Variants in FAM53A observed in about 807,000 individuals in gnomAD.
FAM53A encodes protein FAM53A.
FAM53A carries 28 observed loss-of-function variants against 26.6 expected under a neutral mutation model. The observed-to-expected ratio is 1.05, with a 90% CI of 0.78 to 1.45. The LOEUF (loss-of-function observed/expected upper bound fraction) is 1.45, where lower values mean the gene tolerates loss of function less well. Ranked by LOEUF, FAM53A falls within the 40% of genes most tolerant of loss-of-function variation. The pLI, the probability that FAM53A is intolerant of heterozygous loss-of-function variation, is 0.00. For synonymous variants in FAM53A, 290 were observed against 253.1 expected, an observed-to-expected ratio of 1.15 and a Z score of -1.38; for missense variants, 650 against 575.8, an observed-to-expected ratio of 1.13 and a Z score of -1.32.
the FAM53A span, among the ~76,000 whole-genome samples, chr4:1,608,598 G>C: frequency 6.6e-6 from 1 of 152,118 alleles, no homozygotes; most frequent in African/African-American, 2.4e-5. Flanking sequence ...AGGCAGCAAA[G>C]TCAGGTCAGC....
At chr4:1,580,874 G>A in the FAM53A span, among the ~76,000 whole-genome samples, 1 of 14,342 alleles carries the variant, frequency 7.0e-5, no homozygotes, top group Non-Finnish European at 1.2e-4. Flanking sequence ...TCAGGGCCCC[G>A]CCTCCCACCC....
At position 1,641,510 on chromosome 4, in the gene FAM53A, G is replaced by A. The variant is rs868605136; in HGVS notation, c.980C>T (p.Ser327Phe). Residue 327 changes from serine to phenylalanine, a missense_variant, in exon 5 of 5, where the codon TCC becomes TTC. By Grantham distance (155) the Ser-to-Phe change is radical. Transcript: ENST00000308132. Reference sequence around the variant, plus strand: ...CATGGTGATGCCAGGGAGGCCCCGGGAGTCACATGGGGAGGACAGAACCGT... The same window carrying A: ...CATGGTGATGCCAGGGAGGCCCCGGAAGTCACATGGGGAGGACAGAACCGT... ...VKTVLSSPCD[S>F]RGLPGITMPG... is the part of the protein sequence containing the mutation. 3 of 1,614,120 alleles carry A rather than the reference G, an allele frequency of 1.9e-6. No individual in the cohort carries two copies. The highest frequency in any genetic ancestry group is 2.7e-5 in the African/African-American group (2 of 74,956).
chr4:1,651,456 C>T (rs1028574368), intron 4 of FAM53A, among the ~76,000 whole-genome samples: 3 of 151,762 alleles, frequency 2.0e-5, no homozygotes, highest in Non-Finnish European at 2.9e-5. Context: ...TGCTTGAGTC[C>T]GGGAAGTGGA....
chr4:1,594,092 C>T, the FAM53A span, among the ~76,000 whole-genome samples: 5 of 152,178 alleles, frequency 3.3e-5, no homozygotes, highest in Non-Finnish European at 4.4e-5. Flanking sequence ...GGCCCCAGGT[C>T]CCCCCAGGCT....
chr4:1,584,078 A>C, the FAM53A span, among the ~76,000 whole-genome samples: 6 of 152,098 alleles, frequency 3.9e-5, no homozygotes, highest in Non-Finnish European at 8.8e-5. Context: ...GTATTCTATC[A>C]ATCCCTTGTG....
chr4:1,614,447 T>A, downstream of FAM53A, among the ~76,000 whole-genome samples: 2 of 88,028 alleles, frequency 2.3e-5, no homozygotes, highest in Admixed American at 1.6e-4. Flanking sequence ...TGCAGAGACA[T>A]GAGGGGCATG....
chr4:1,661,512 G>T (rs1011075693), intron 2 of FAM53A, among the ~76,000 whole-genome samples: 1 of 152,096 alleles, frequency 6.6e-6, no homozygotes, highest in Non-Finnish European at 1.5e-5. Flanking sequence ...GTGACCTTCA[G>T]GCCCTACCGC....
the FAM53A span, among the ~76,000 whole-genome samples, chr4:1,579,644 C>A: frequency 8.1e-4 from 123 of 152,344 alleles, no homozygotes; most frequent in Non-Finnish European, 1.4e-3. Flanking sequence ...CTCCCAGCGC[C>A]GCTGCGAGGC....
At chr4:1,592,185 C>T in the FAM53A span, among the ~76,000 whole-genome samples, 5 of 152,140 alleles carry the variant, frequency 3.3e-5, no homozygotes, top group African/African-American at 1.2e-4. Flanking sequence ...CTGAACCCAC[C>T]TGATACCATC....
chr4:1,607,168 G>A, the FAM53A span, among the ~76,000 whole-genome samples: 2 of 152,114 alleles, frequency 1.3e-5, no homozygotes, highest in Non-Finnish European at 2.9e-5. Context: ...ACAGGCATGC[G>A]CCACCACACC....
chr4:1,672,077 A>AGAACCCAC (rs1714703940), intron 1 of FAM53A, among the ~76,000 whole-genome samples: 1 of 151,252 alleles, frequency 6.6e-6, no homozygotes, highest in African/African-American at 2.4e-5. Flanking sequence ...CCACAGACCC[A>AGAACCCAC]GAACCCACGA....
In FAM53A at chr4:1,668,843, G is replaced by A; in HGVS notation, c.-102C>T. 5.6e-6 allele frequency: 6 copies of A among 1,073,826 alleles called. No individual in the cohort carries two copies. Among genetic ancestry groups the A allele is most frequent in the South Asian group, 1.4e-5 (1 of 72,692 alleles). The allele number at this position is 1,073,826 out of a possible 1,614,324, so 66.5% of individuals were successfully genotyped here. A position where few individuals can be genotyped will look rare whatever the true frequency, so the allele number is the denominator to read the frequency against. ...ATTGCTGGGTCAGCCAAATCTCAAG[G>A]TCATGTCTCCACTTTCTTTACAGAT... On this transcript the variant is annotated 5_prime_UTR_variant, in exon 2 of 5. Coordinates refer to ENST00000308132, the MANE Select transcript of FAM53A (RefSeq NM_001174070.3).
chr4:1,625,581 G>A (rs55822191), intron 1 of FAM53A, among the ~76,000 whole-genome samples: 12 of 70,674 alleles, frequency 1.7e-4, no homozygotes, highest in Admixed American at 4.0e-4. Context: ...TCAGGGTCAC[G>A]CCAGGTGATC....
At chr4:1,580,606 T>TAGGCCCTGCCTCCTGCCC in the FAM53A span, among the ~76,000 whole-genome samples, 224 of 63,706 alleles carry the variant, frequency 3.5e-3, no homozygotes, top group African/African-American at 0.013. Context: ...ACCTCCCGCC[T>TAGGCCCTGCCTCCTGCCC]AGGCCCTGCC....
intron 4 of FAM53A, among the ~76,000 whole-genome samples, chr4:1,647,677 G>A (rs1423490665): frequency 6.6e-6 from 1 of 152,104 alleles, no homozygotes; most frequent in Non-Finnish European, 1.5e-5. Context: ...CACAGCCGGG[G>A]TGCGGATGTG....
At chr4:1,648,464 T>G (rs138694228) in intron 4 of FAM53A, among the ~76,000 whole-genome samples, 2,920 of 151,650 alleles carry the variant, frequency 0.019, 49 homozygotes, top group Non-Finnish European at 0.033. Context: ...CCCTCAGGAG[T>G]CTTGGCACTG....
At chr4:1,682,394 C>G (rs994713845) in intron 1 of FAM53A, among the ~76,000 whole-genome samples, 2 of 151,522 alleles carry the variant, frequency 1.3e-5, no homozygotes, top group African/African-American at 4.9e-5. Flanking sequence ...TCCCGAGTAG[C>G]TGGGATTACA....
intron 2 of FAM53A, among the ~76,000 whole-genome samples, chr4:1,663,163 G>A (rs1473950100): frequency 6.7e-6 from 1 of 150,086 alleles, no homozygotes; most frequent in African/African-American, 2.5e-5. Context: ...CTGCACTCCA[G>A]CCTGGGCGAA....
At chr4:1,663,989 G>A (rs1484885962) in intron 2 of FAM53A, among the ~76,000 whole-genome samples, 2 of 152,208 alleles carry the variant, frequency 1.3e-5, no homozygotes, top group South Asian at 2.1e-4. Flanking sequence ...GGCGGCAGCC[G>A]GGGCATGCAG....
Sources: allele counts gnomAD v4.1 joint callset (sites outside exome capture counted in the v4.1 genomes callset), GRCh38; gene constraint gnomAD v4.1.1; transcripts MANE v1.5; gene names NCBI Gene and HGNC (gene_info 2026-07-23, HGNC 2026-07-21).